Variants in LINGO2 observed in about 807,000 individuals in gnomAD.
LINGO2 encodes the protein leucine-rich repeat and immunoglobulin-like domain-containing nogo receptor-interacting protein 2.
In LINGO2, 14 loss-of-function variants were observed where a neutral mutation model predicts 30.6. The observed-to-expected ratio is 0.46, with a 90% confidence interval of 0.30 to 0.72. LINGO2 has a LOEUF of 0.72. Ranked by LOEUF, LINGO2 falls within the 30% of genes least tolerant of loss-of-function variation. The pLI is 0.07. For synonymous variants in LINGO2, 317 were observed against 288.5 expected (o/e 1.10, Z -1.00); for missense variants, 729 against 751.7 (o/e 0.97, Z 0.35).
intron 2 of LINGO2, among the ~76,000 whole-genome samples, chr9:28,456,680 GT>G (rs1030117843): frequency 1.3e-5 from 2 of 151,912 alleles, no homozygotes; most frequent in South Asian, 2.1e-4. Context: ...GCCAGATGGA[GT>G]TTTTTTTCTG....
the LINGO2 span, among the ~76,000 whole-genome samples, chr9:28,842,855 T>C: frequency 6.6e-6 from 1 of 152,066 alleles, no homozygotes; most frequent in Middle Eastern, 3.4e-3. Flanking sequence ...TTTATGTTTA[T>C]AAAGTTACTC....
At chr9:28,017,757 C>T (rs554250006) in intron 4 of LINGO2, among the ~76,000 whole-genome samples, 1 of 152,230 alleles carries the variant, frequency 6.6e-6, no homozygotes, top group Admixed American at 6.5e-5. Context: ...TAGGAAGAAT[C>T]AATACTGTAA....
the LINGO2 span, among the ~76,000 whole-genome samples, chr9:28,681,115 G>T: frequency 6.6e-6 from 1 of 151,848 alleles, no homozygotes; most frequent in African/African-American, 2.4e-5. Context: ...GTTGATTTTT[G>T]TATATAGTGT....
At chr9:28,848,429 A>G in the LINGO2 span, among the ~76,000 whole-genome samples, 1 of 113,652 alleles carries the variant, frequency 8.8e-6, no homozygotes, top group South Asian at 2.9e-4. Context: ...ATATATATAT[A>G]CTGTATATAG....
the LINGO2 span, among the ~76,000 whole-genome samples, chr9:28,740,428 A>G: frequency 6.6e-6 from 1 of 151,894 alleles, no homozygotes; most frequent in African/African-American, 2.4e-5. Context: ...TTTAGGAGTC[A>G]GTTGACAGAA....
the LINGO2 span, among the ~76,000 whole-genome samples, chr9:29,026,413 A>G: frequency 6.6e-6 from 1 of 152,274 alleles, no homozygotes; most frequent in East Asian, 1.9e-4. Flanking sequence ...CCTTTGGTAA[A>G]TAATTAAATA....
the LINGO2 span, among the ~76,000 whole-genome samples, chr9:28,852,161 G>A: frequency 6.6e-6 from 1 of 151,944 alleles, no homozygotes; most frequent in Non-Finnish European, 1.5e-5. Context: ...AATGGATAGG[G>A]GAAGAGGGTA....
intron 3 of LINGO2, among the ~76,000 whole-genome samples, chr9:28,302,192 T>C (rs1824174115): frequency 6.6e-6 from 1 of 152,184 alleles, no homozygotes; most frequent in Non-Finnish European, 1.5e-5. Context: ...CAAGTTTTTA[T>C]TGGTGTAAGG....
chr9:28,728,247 C>T, the LINGO2 span, among the ~76,000 whole-genome samples: 1 of 152,034 alleles, frequency 6.6e-6, no homozygotes, highest in Admixed American at 6.6e-5. Context: ...CAACCCCCTC[C>T]CCTTCACTGT....
intron 4 of LINGO2, among the ~76,000 whole-genome samples, chr9:28,213,510 T>C (rs1820664507): frequency 6.6e-6 from 1 of 151,456 alleles, no homozygotes; most frequent in Admixed American, 6.6e-5. Context: ...ATTTGGCAAC[T>C]AGTGATAGAA....
chr9:28,415,248 C>T (rs113929956), intron 2 of LINGO2, among the ~76,000 whole-genome samples: 4 of 152,084 alleles, frequency 2.6e-5, no homozygotes, highest in Non-Finnish European at 5.9e-5. Flanking sequence ...AGGAAACTAT[C>T]AAATCCCTGT....
At chr9:28,467,020 G>A (rs994362552) in intron 2 of LINGO2, among the ~76,000 whole-genome samples, 7 of 146,738 alleles carry the variant, frequency 4.8e-5, no homozygotes, top group African/African-American at 1.8e-4. Flanking sequence ...AACCCTAGCT[G>A]ACTCTCTTTT....
intron 2 of LINGO2, among the ~76,000 whole-genome samples, chr9:28,471,666 C>G (rs1180282587): frequency 6.6e-6 from 1 of 152,084 alleles, no homozygotes; most frequent in East Asian, 1.9e-4. Flanking sequence ...ATAATTATTA[C>G]CAAGTGATTA....
intron 3 of LINGO2, among the ~76,000 whole-genome samples, chr9:28,308,693 GCTAATATCCAGAAT>G (rs1824475319): frequency 1.3e-5 from 2 of 150,172 alleles, no homozygotes; most frequent in African/African-American, 4.9e-5. Flanking sequence ...CTGACAAAGG[GCTAATATCCAGAAT>G]CTACAATGAA....
At chr9:28,695,423 G>A in the LINGO2 span, among the ~76,000 whole-genome samples, 2 of 151,788 alleles carry the variant, frequency 1.3e-5, no homozygotes, top group Non-Finnish European at 2.9e-5. Context: ...TCTTTTTATA[G>A]GACAATTTGT....
At chr9:28,958,922 A>G in the LINGO2 span, among the ~76,000 whole-genome samples, 3 of 152,106 alleles carry the variant, frequency 2.0e-5, no homozygotes, top group Admixed American at 2.0e-4. Context: ...CAAAACTAAC[A>G]ACATGCAAAG....
At chr9:28,055,235 G>A (rs1333208469) in intron 4 of LINGO2, among the ~76,000 whole-genome samples, 3 of 152,072 alleles carry the variant, frequency 2.0e-5, no homozygotes, top group African/African-American at 4.8e-5. Context: ...AATAACTTAC[G>A]AATAAGGTAG....
intron 3 of LINGO2, among the ~76,000 whole-genome samples, chr9:28,346,780 T>C (rs1405543597): frequency 6.9e-6 from 1 of 144,096 alleles, no homozygotes; most frequent in Non-Finnish European, 1.6e-5. Flanking sequence ...TCTCTAATGA[T>C]TAGTGATATT....
At chr9:28,161,336 T>A (rs117882869) in intron 4 of LINGO2, among the ~76,000 whole-genome samples, 2,036 of 152,182 alleles carry the variant, frequency 0.013, 25 homozygotes, top group Non-Finnish European at 0.02. Context: ...AGGAAAATAA[T>A]GGTTGGCAAT....
Sources: gnomAD v4.1 joint callset for allele counts (sites outside exome capture counted in the v4.1 genomes callset) on GRCh38, gnomAD v4.1.1 for gene constraint, MANE v1.5 for transcripts, NCBI Gene and HGNC (gene_info 2026-07-23, HGNC 2026-07-21) for gene names.